The following CCDC57 variants were observed in gnomAD, a reference collection of about 807,000 sequenced individuals.
CCDC57 encodes coiled-coil domain-containing protein 57.
CCDC57 carries 118 observed loss-of-function variants against 118.9 expected under a neutral mutation model. The observed-to-expected ratio is 0.99, with a 90% CI of 0.86 to 1.16. The LOEUF (loss-of-function observed/expected upper bound fraction) is 1.16, where lower values mean the gene tolerates loss of function less well. Among genes scored for constraint, CCDC57 ranks in the 50% most tolerant of loss-of-function variants. The pLI, the probability that CCDC57 is intolerant of heterozygous loss-of-function variation, is 0.00. For synonymous variants in CCDC57, 527 were observed against 532.9 expected (o/e 0.99, Z 0.15); for missense variants, 1,300 against 1,320.7 (o/e 0.98, Z 0.24).
rs2050207742 is a variant in CCDC57, at chr17:82,212,067, G to A, written c.-211+718C>T. On this transcript the variant is annotated intron_variant, in intron 1 of 19. Transcript: ENST00000665763. The surrounding 1 kb of genome is among the most constrained non-coding windows in gnomAD (Gnocchi z 4.1). ...TCAAAAGAAATCTAGCCCCTTCTTC[G>A]GGGCCGAGGGAATTTGCAGCTCTAG... is the stretch of plus-strand genomic sequence containing the variant. Among the ~76,000 whole-genome samples the A allele has an allele frequency of 6.6e-6, 1 of 152,140 alleles. No homozygotes were observed. Among genetic ancestry groups the A allele is most frequent in the South Asian group, 2.1e-4 (1 of 4,828 alleles).
chr17:82,143,262 C>T lies in CCDC57; in HGVS notation c.2455+8298G>A, dbSNP rs1598860644. On this transcript the variant is annotated intron_variant, in intron 16 of 19. Coordinates refer to ENST00000665763, the Ensembl canonical transcript of CCDC57. ...AAGTGATACTCATGAAAACTCTCAC[C>T]TTAAGAAATGCAATTACTAAGCAAG... Among the ~76,000 whole-genome samples, 4 of 152,176 alleles carry T rather than the reference C, an allele frequency of 2.6e-5. No homozygotes were observed. In the Middle Eastern group the frequency reaches 0.01, roughly 388 times the overall value.
At chr17:82,184,031 G>GCTCACACACACACA in intron 8 of CCDC57, 99 bp from the exon 8 acceptor site, 1 of 128,352 alleles carries the variant, frequency 7.8e-6, no homozygotes, top group Non-Finnish European at 1.5e-5. Flanking sequence ...GCGCGCGCGC[G>GCTCACACACACACA]CACACACACA....
At chr17:82,141,565 T>C (rs954607406) in intron 16 of CCDC57, among the ~76,000 whole-genome samples, 3 of 152,228 alleles carry the variant, frequency 2.0e-5, no homozygotes, top group African/African-American at 7.2e-5. Context: ...AACTTAAGAA[T>C]GCAGAGATGG....
chr17:82,165,882 G>C (rs2043932261), intron 13 of CCDC57, among the ~76,000 whole-genome samples: 1 of 152,184 alleles, frequency 6.6e-6, no homozygotes, highest in Non-Finnish European at 1.5e-5. Flanking sequence ...ACCAGAGCGG[G>C]CCAGGATGCG....
intron 19 of CCDC57, chr17:82,113,804 G>A: frequency 1.6e-6 from 1 of 629,544 alleles, no homozygotes; most frequent in South Asian, 1.8e-5. Flanking sequence ...AGATTAGCCA[G>A]CTATGGTGAT....
intron 16 of CCDC57, chr17:82,134,453 C>T (rs147632362): frequency 4.7e-5 from 16 of 338,656 alleles, no homozygotes; most frequent in South Asian, 3.1e-4. Context: ...CAAGCACATT[C>T]GCTAACAGAA....
intron 14 of CCDC57, among the ~76,000 whole-genome samples, chr17:82,162,029 C>T (rs971554207): frequency 6.6e-6 from 1 of 151,726 alleles, no homozygotes; most frequent in Non-Finnish European, 1.5e-5. Context: ...GATGGAGTTT[C>T]GCTCCTGTTG....
intron 19 of CCDC57, 80 bp from the exon 19 acceptor site, chr17:82,101,946 G>C: frequency 7.5e-7 from 1 of 1,341,998 alleles, no homozygotes; most frequent in Non-Finnish European, 9.9e-7. Flanking sequence ...CACTGCACAG[G>C]TGCAGCACTT....
At chr17:82,179,221 G>A (rs1050899524) in intron 9 of CCDC57, 32 bp from the exon 9 acceptor site, 4 of 1,592,090 alleles carry the variant, frequency 2.5e-6, no homozygotes, top group Non-Finnish European at 2.6e-6. Context: ...CAGCATTAAT[G>A]CTTCCTGAGG....
chr17:82,123,143 T>TTG (rs71166186), intron 19 of CCDC57, among the ~76,000 whole-genome samples: 1 of 147,444 alleles, frequency 6.8e-6, no homozygotes, highest in African/African-American at 2.6e-5. Flanking sequence ...TTTTTTTTTT[T>TTG]GTAGAGACAG....
At chr17:82,201,660 G>C (rs374806136) in exon 3 of CCDC57, 80 of 1,613,222 alleles carry the variant, frequency 5.0e-5, no homozygotes, top group Non-Finnish European at 6.4e-5. Context: ...CCTCTATCTT[G>C]AGCTCGCTCA....
At chr17:82,117,980 C>G (rs926531159) in intron 19 of CCDC57, among the ~76,000 whole-genome samples, 1 of 152,154 alleles carries the variant, frequency 6.6e-6, no homozygotes, top group Non-Finnish European at 1.5e-5. Flanking sequence ...GAGCTAAAAA[C>G]GACAGGCCGT....
At chr17:82,201,844 G>A (rs777420391) in exon 3 of CCDC57, 15 of 1,613,502 alleles carry the variant, frequency 9.3e-6, no homozygotes, top group South Asian at 2.2e-5. Context: ...CTGCAGAGCC[G>A]CCTCCTGCAG....
chr17:82,139,501 G>C (rs1050473013), intron 16 of CCDC57, among the ~76,000 whole-genome samples: 1 of 152,126 alleles, frequency 6.6e-6, no homozygotes, highest in Non-Finnish European at 1.5e-5. Context: ...GATTACAGGT[G>C]CCCACCACCA....
chr17:82,124,456 A>G (rs550923372), intron 19 of CCDC57, among the ~76,000 whole-genome samples: 53 of 152,318 alleles, frequency 3.5e-4, no homozygotes, highest in Middle Eastern at 3.4e-3. Context: ...TTCATTTTCC[A>G]TACAAACTTT....
intron 15 of CCDC57, chr17:82,154,968 C>T (rs1465204458): frequency 6.6e-6 from 1 of 152,314 alleles, no homozygotes; most frequent in Non-Finnish European, 1.5e-5. Flanking sequence ...TAGACCCGCT[C>T]ATCTGCAGAT....
chr17:82,147,666 T>G (rs1598897527), intron 16 of CCDC57, among the ~76,000 whole-genome samples: 3 of 108,590 alleles, frequency 2.8e-5, no homozygotes, highest in South Asian at 3.2e-4. Context: ...CATGGAAGGG[T>G]GGGTGGGTGA....
intron 9 of CCDC57, among the ~76,000 whole-genome samples, chr17:82,179,422 G>C (rs989550193): frequency 5.3e-5 from 8 of 152,244 alleles, no homozygotes; most frequent in African/African-American, 1.9e-4. Flanking sequence ...CACCATGGAT[G>C]AGGGTGATGC....
chr17:82,142,316 T>G (rs1372409808), intron 16 of CCDC57, among the ~76,000 whole-genome samples: 2 of 147,834 alleles, frequency 1.4e-5, no homozygotes, highest in East Asian at 2.0e-4. Context: ...GTTGTGTTTG[T>G]TTTTTTTTTT....
Sources: gnomAD v4.1 joint callset for allele counts (sites outside exome capture counted in the v4.1 genomes callset) on GRCh38, gnomAD v4.1.1 for gene constraint, Gnocchi (gnomAD v3.1) non-coding constraint, MANE v1.5 for transcripts, NCBI Gene and HGNC (gene_info 2026-07-23, HGNC 2026-07-21) for gene names.